Variants in SPOCK3 observed in about 807,000 individuals in gnomAD.
The protein encoded by SPOCK3 is SPARC (osteonectin), cwcv and kazal like domains proteoglycan 3, also known as testican-3.
A neutral mutation model predicts 56.6 loss-of-function variants in SPOCK3; 30 were observed. The observed-to-expected ratio is 0.53, with a 90% CI of 0.40 to 0.72. The LOEUF (loss-of-function observed/expected upper bound fraction) is 0.72, where lower values mean the gene tolerates loss of function less well. SPOCK3 is among the 30% of genes least tolerant of loss of function. The probability of loss-of-function intolerance (pLI) is 0.00; values close to 1 mark genes in which losing one functional copy is unlikely to be tolerated. For synonymous variants in SPOCK3, 196 were observed against 183.3 expected, an observed-to-expected ratio of 1.07 and a Z score of -0.56; for missense variants, 527 against 530.0, an observed-to-expected ratio of 0.99 and a Z score of 0.06.
At chr4:166,816,224 TAA>T (rs1389682441) in intron 6 of SPOCK3, among the ~76,000 whole-genome samples, 1 of 152,124 alleles carries the variant, frequency 6.6e-6, no homozygotes, top group Admixed American at 6.6e-5. Context: ...TGCTAAAAAT[TAA>T]GTTATGCTTC....
At chr4:166,910,657 C>T (rs897005494) in intron 5 of SPOCK3, among the ~76,000 whole-genome samples, 6 of 152,214 alleles carry the variant, frequency 3.9e-5, no homozygotes, top group South Asian at 2.1e-4. Context: ...AAGGAAGGAT[C>T]ACCTGCTAGG....
intron 4 of SPOCK3, among the ~76,000 whole-genome samples, chr4:166,989,859 T>C (rs905937764): frequency 6.6e-5 from 10 of 152,322 alleles, no homozygotes; most frequent in Middle Eastern, 3.4e-3. Flanking sequence ...GGCTATTTCT[T>C]GGATGATCAT....
intron 2 of SPOCK3, among the ~76,000 whole-genome samples, chr4:167,109,581 AT>A (rs1387485673): frequency 7.3e-6 from 1 of 136,260 alleles, no homozygotes; most frequent in Admixed American, 8.2e-5. Flanking sequence ...ATATATATTT[AT>A]TATATATATA....
At chr4:166,749,602 G>A (rs940526379) in intron 8 of SPOCK3, among the ~76,000 whole-genome samples, 13 of 151,600 alleles carry the variant, frequency 8.6e-5, no homozygotes, top group Non-Finnish European at 5.9e-5. Context: ...AAACCTGCAC[G>A]TTGTGCACAT....
rs186790892 is a variant in SPOCK3, at chr4:167,181,732, C to T, written c.189+52253G>A. Among the ~76,000 whole-genome samples, 30 of 152,318 alleles carry T rather than the reference C, an allele frequency of 2.0e-4. No homozygotes were observed. The East Asian group carries it at 5.4e-3, about 27-fold the overall frequency. ...TAAATAAACATATGATTCTTACCTA[C>T]CTTTTGTTCCAAGCTATACTCAGTA... On this transcript the variant is annotated intron_variant, in intron 2 of 10. Transcript: ENST00000357545.
At chr4:166,952,601 A>G (rs1460749229) in intron 4 of SPOCK3, among the ~76,000 whole-genome samples, 2 of 152,176 alleles carry the variant, frequency 1.3e-5, no homozygotes, top group African/African-American at 2.4e-5. Flanking sequence ...TTCATATGGA[A>G]CCAAAAAAGA....
At chr4:166,889,546 T>G (rs1297594667) in intron 5 of SPOCK3, among the ~76,000 whole-genome samples, 1 of 151,990 alleles carries the variant, frequency 6.6e-6, no homozygotes, top group Non-Finnish European at 1.5e-5. Context: ...AGTAGAACAT[T>G]TTAGAATCAA....
At chr4:167,014,353 G>C (rs567948222) in intron 3 of SPOCK3, among the ~76,000 whole-genome samples, 12 of 149,230 alleles carry the variant, frequency 8.0e-5, no homozygotes, top group Middle Eastern at 3.4e-3. Flanking sequence ...ATGAAACTAA[G>C]CCTTAAAACA....
intron 7 of SPOCK3, among the ~76,000 whole-genome samples, chr4:166,778,840 T>C (rs551498749): frequency 2.0e-5 from 3 of 152,208 alleles, no homozygotes; most frequent in Admixed American, 1.3e-4. Context: ...TTTGCTGTTT[T>C]TTAAGTTGGG....
chr4:167,171,233 A>C (rs983838213), intron 2 of SPOCK3, among the ~76,000 whole-genome samples: 3 of 152,190 alleles, frequency 2.0e-5, no homozygotes, highest in African/African-American at 7.2e-5. Flanking sequence ...CAAACTAACC[A>C]GCTGCACATT....
chr4:167,149,232 T>C (rs942489590), intron 2 of SPOCK3, among the ~76,000 whole-genome samples: 1 of 152,166 alleles, frequency 6.6e-6, no homozygotes, highest in Non-Finnish European at 1.5e-5. Context: ...ATATATGGTC[T>C]ACTATGATAA....
chr4:167,192,950 G>A (rs1732602050), intron 2 of SPOCK3, among the ~76,000 whole-genome samples: 1 of 145,650 alleles, frequency 6.9e-6, no homozygotes, highest in African/African-American at 2.6e-5. Flanking sequence ...ATACTATTGT[G>A]GTAGAATACG....
At chr4:167,036,380 T>G (rs886736020) in intron 3 of SPOCK3, among the ~76,000 whole-genome samples, 6 of 152,210 alleles carry the variant, frequency 3.9e-5, no homozygotes, top group Non-Finnish European at 5.9e-5. Context: ...ACCTTATTTC[T>G]TTATTTATAT....
intron 4 of SPOCK3, among the ~76,000 whole-genome samples, chr4:166,933,711 T>C (rs181574757): frequency 1.3e-3 from 194 of 152,322 alleles, no homozygotes; most frequent in African/African-American, 4.6e-3. Context: ...GGCTTTCCTC[T>C]GAGAGAAAGG....
rs751168770 is a variant in SPOCK3, at chr4:166,889,258, GA to G, written c.475-15del. Reference sequence around the variant, plus strand: ...TTCTAGTTTGCACTGTATAAAAAGAGAAAAAAAAAGTAATTCAAATGCTTTA... The same window carrying G: ...TTCTAGTTTGCACTGTATAAAAAGAGAAAAAAAAGTAATTCAAATGCTTTA... On this transcript the variant is annotated splice_polypyrimidine_tract_variant and intron_variant, in intron 5 of 10. Transcript: ENST00000357545. 228 of 1,428,010 alleles carry G rather than the reference GA, an allele frequency of 1.6e-4. 2 individuals are homozygous for G. In the Middle Eastern group the frequency reaches 7.6e-3, roughly 47 times the overall value. The allele number at this position is 1,428,010 out of a possible 1,614,324, so 88.5% of individuals were successfully genotyped here. A position where few individuals can be genotyped will look rare whatever the true frequency, so the allele number is the denominator to read the frequency against.
intron 6 of SPOCK3, among the ~76,000 whole-genome samples, chr4:166,851,190 A>G (rs1730025615): frequency 6.6e-6 from 1 of 152,022 alleles, no homozygotes; most frequent in Non-Finnish European, 1.5e-5. Flanking sequence ...ACTGGGAGGC[A>G]CTCCCTAGCA....
At chr4:166,982,829 C>T (rs1746731924) in intron 4 of SPOCK3, among the ~76,000 whole-genome samples, 1 of 152,066 alleles carries the variant, frequency 6.6e-6, no homozygotes, top group Admixed American at 6.5e-5. Context: ...CACAGTGGCC[C>T]TATATTTTGA....
chr4:167,195,742 G>A (rs1052994604), intron 2 of SPOCK3, among the ~76,000 whole-genome samples: 1 of 152,164 alleles, frequency 6.6e-6, no homozygotes, highest in Non-Finnish European at 1.5e-5. Context: ...CAGGAGGATG[G>A]GATTGTTCTG....
At chr4:167,187,267 C>CTAGAAG (rs1169460792) in intron 2 of SPOCK3, among the ~76,000 whole-genome samples, 15 of 147,078 alleles carry the variant, frequency 1.0e-4, no homozygotes, top group African/African-American at 3.8e-4. Flanking sequence ...CTTTAGGGTT[C>CTAGAAG]CAGTTTTTTT....
Sources: gnomAD v4.1 joint callset for allele counts (sites outside exome capture counted in the v4.1 genomes callset) on GRCh38, gnomAD v4.1.1 for gene constraint, MANE v1.5 for transcripts, NCBI Gene and HGNC (gene_info 2026-07-23, HGNC 2026-07-21) for gene names.